The following PTPRM variants were observed in gnomAD, a reference collection of about 807,000 sequenced individuals.
PTPRM encodes the protein receptor-type tyrosine-protein phosphatase mu.
In PTPRM, 47 loss-of-function variants were observed where a neutral mutation model predicts 186.7. That is an observed-to-expected ratio of 0.25 (90% confidence interval 0.20 to 0.32). The LOEUF is 0.32. Ranked by LOEUF, PTPRM falls within the 10% of genes least tolerant of loss-of-function variation. The probability of loss-of-function intolerance (pLI) is 1.00; values close to 1 mark genes in which losing one functional copy is unlikely to be tolerated. For synonymous variants in PTPRM, 668 were observed against 674.9 expected (o/e 0.99, Z 0.16); for missense variants, 1,494 against 1,865.0 (o/e 0.80, Z 3.66).
intron 1 of PTPRM, among the ~76,000 whole-genome samples, chr18:7,658,252 C>G (rs932167580): frequency 4.0e-5 from 6 of 151,092 alleles, no homozygotes; most frequent in African/African-American, 1.5e-4. Flanking sequence ...CAGCATTTGT[C>G]TCTTTTTCTC....
At chr18:7,738,831 G>A (rs1464851413) in intron 1 of PTPRM, among the ~76,000 whole-genome samples, 1 of 152,128 alleles carries the variant, frequency 6.6e-6, no homozygotes, top group Non-Finnish European at 1.5e-5. Flanking sequence ...GGCCAATGCC[G>A]GCTGCAGGTG....
intron 9 of PTPRM, among the ~76,000 whole-genome samples, chr18:8,077,075 T>C (rs1030089584): frequency 1.3e-5 from 2 of 152,158 alleles, no homozygotes; most frequent in African/African-American, 4.8e-5. Context: ...CTGAGGCATA[T>C]CAAATGGTTG....
intron 14 of PTPRM, among the ~76,000 whole-genome samples, chr18:8,154,172 A>G (rs751909127): frequency 6.6e-6 from 1 of 152,176 alleles, no homozygotes; most frequent in Non-Finnish European, 1.5e-5. Context: ...GAGGCCCTCA[A>G]TTAAAAGGGA....
At chr18:7,824,120 C>T (rs1168295437) in intron 2 of PTPRM, among the ~76,000 whole-genome samples, 1 of 152,214 alleles carries the variant, frequency 6.6e-6, no homozygotes, top group Non-Finnish European at 1.5e-5. Flanking sequence ...AGACAAATCC[C>T]TGGTCTTCAT....
chr18:7,572,612 A>C (rs569899276), intron 1 of PTPRM, among the ~76,000 whole-genome samples: 1 of 152,188 alleles, frequency 6.6e-6, no homozygotes, highest in Non-Finnish European at 1.5e-5. Flanking sequence ...CTTAGTTTTC[A>C]TTTAGGGAAT....
intron 14 of PTPRM, among the ~76,000 whole-genome samples, chr18:8,160,805 C>T (rs1328317866): frequency 1.3e-5 from 2 of 152,150 alleles, no homozygotes; most frequent in African/African-American, 4.8e-5. Context: ...ATTATTCCTC[C>T]AAGGGTGTTT....
intron 14 of PTPRM, among the ~76,000 whole-genome samples, chr18:8,175,531 C>T (rs746474427): frequency 1.3e-5 from 2 of 152,190 alleles, no homozygotes; most frequent in Non-Finnish European, 2.9e-5. Context: ...TATAATCACA[C>T]CGGCAATCTA....
chr18:8,255,306 A>C (rs2094564485), intron 19 of PTPRM, among the ~76,000 whole-genome samples: 1 of 152,252 alleles, frequency 6.6e-6, no homozygotes, highest in African/African-American at 2.4e-5. Flanking sequence ...ACAATTCATG[A>C]AATAACCTGA....
intron 14 of PTPRM, among the ~76,000 whole-genome samples, chr18:8,165,125 C>T (rs555972016): frequency 1.7e-4 from 26 of 149,160 alleles, no homozygotes; most frequent in Non-Finnish European, 3.2e-4. Context: ...GCGGAGATCA[C>T]GCCACTGCAC....
At chr18:7,984,661 T>C (rs1269756338) in intron 7 of PTPRM, among the ~76,000 whole-genome samples, 1 of 128,888 alleles carries the variant, frequency 7.8e-6, no homozygotes, top group Non-Finnish European at 1.7e-5. Flanking sequence ...GGGGTAAATA[T>C]ATATATACAC....
At chr18:8,289,575 TACATATATATATACACATATATATATAC>T (rs1242351252) in intron 19 of PTPRM, among the ~76,000 whole-genome samples, 1 of 109,210 alleles carries the variant, frequency 9.2e-6, no homozygotes, top group Non-Finnish European at 1.7e-5. Flanking sequence ...TATATATATA[TACATATATATATACACATATATATATAC>T]ACACATATAT....
intron 19 of PTPRM, among the ~76,000 whole-genome samples, chr18:8,276,743 A>T (rs1231278085): frequency 6.6e-6 from 1 of 152,192 alleles, no homozygotes; most frequent in Admixed American, 6.5e-5. Context: ...CAACAAAAAA[A>T]TACAATCTCC....
chr18:8,052,590 TA>T (rs1823313755), intron 7 of PTPRM, among the ~76,000 whole-genome samples: 1 of 152,186 alleles, frequency 6.6e-6, no homozygotes, highest in Non-Finnish European at 1.5e-5. Flanking sequence ...TGAAATCACC[TA>T]ACAATCCATT....
chr18:8,058,722 C>T (rs1194513939), intron 7 of PTPRM, among the ~76,000 whole-genome samples: 2 of 61,498 alleles, frequency 3.3e-5, no homozygotes, highest in Non-Finnish European at 6.6e-5. Context: ...ATCCTTTCCC[C>T]ATTGCTTGTT....
chr18:7,617,582 A>G (rs1327519749), intron 1 of PTPRM, among the ~76,000 whole-genome samples: 1 of 152,206 alleles, frequency 6.6e-6, no homozygotes, highest in Non-Finnish European at 1.5e-5. Context: ...TTTCCAGAGT[A>G]AATTTAGAAG....
intron 1 of PTPRM, among the ~76,000 whole-genome samples, chr18:7,697,400 GCAAA>G (rs887256164): frequency 3.9e-5 from 6 of 152,198 alleles, no homozygotes; most frequent in East Asian, 3.9e-4. Flanking sequence ...AAACAAACAA[GCAAA>G]CAAACAAACA....
At chr18:7,890,878 G>A (rs1472486764) in intron 3 of PTPRM, among the ~76,000 whole-genome samples, 1 of 152,104 alleles carries the variant, frequency 6.6e-6, no homozygotes, top group Admixed American at 6.5e-5. Flanking sequence ...TTAAGGTTAT[G>A]TTGTTAAATG....
chr18:8,319,280 C>A, intron 22 of PTPRM, 66 bp downstream of exon 22: 2 of 1,179,198 alleles, frequency 1.7e-6, no homozygotes, highest in Non-Finnish European at 2.5e-6. Flanking sequence ...ATTTTGTACC[C>A]ACTTCACCCT....
rs147983852 is a variant in PTPRM, at chr18:8,020,669, A to G, written c.1133-49017A>G. Reference sequence around the variant, plus strand: ...CTCAGTACTGGCTTGGTGCCTTTACAGCCCAATCATGGTTTATTGATATTG... The same window carrying G: ...CTCAGTACTGGCTTGGTGCCTTTACGGCCCAATCATGGTTTATTGATATTG... On this transcript the variant is annotated intron_variant, in intron 7 of 32. Transcript: ENST00000580170. 8.2e-3 allele frequency among the ~76,000 whole-genome samples: 1,248 copies of G among 152,298 alleles called. 22 individuals are homozygous for G. The highest frequency in any genetic ancestry group is 0.028 in the African/African-American group (1,173 of 41,558).
Sources: gnomAD v4.1 joint callset for allele counts (sites outside exome capture counted in the v4.1 genomes callset) on GRCh38, gnomAD v4.1.1 for gene constraint, MANE v1.5 for transcripts, NCBI Gene and HGNC (gene_info 2026-07-23, HGNC 2026-07-21) for gene names.